The following CDH13 variants were observed in gnomAD, a reference collection of about 807,000 sequenced individuals.
CDH13 encodes cadherin 13.
In CDH13, 24 loss-of-function variants were observed where a neutral mutation model predicts 63.8. The ratio of observed to expected loss-of-function variants is 0.38; its 90% CI spans 0.27 to 0.53. CDH13 has a LOEUF of 0.53. CDH13 is among the 20% of genes least tolerant of loss of function. CDH13 has a pLI of 0.85. For missense variants in CDH13, 1,049 were observed against 903.1 expected, an observed-to-expected ratio of 1.16 and a Z score of -2.07; for synonymous variants, 503 against 355.3, an observed-to-expected ratio of 1.42 and a Z score of -4.67.
At chr16:82,936,077 T>C (rs1036101256) in intron 2 of CDH13, among the ~76,000 whole-genome samples, 1 of 152,092 alleles carries the variant, frequency 6.6e-6, no homozygotes, top group Admixed American at 6.5e-5. Context: ...TTCCAGTTGA[T>C]TGGCACCATC....
At chr16:83,395,697 G>A (rs2091874406) in intron 6 of CDH13, among the ~76,000 whole-genome samples, 3 of 152,150 alleles carry the variant, frequency 2.0e-5, no homozygotes, top group South Asian at 4.1e-4. Context: ...GGTCACCACA[G>A]GGTAGATATC....
At chr16:83,781,929 TAA>T (rs1378293373) in intron 12 of CDH13, among the ~76,000 whole-genome samples, 1 of 137,138 alleles carries the variant, frequency 7.3e-6, no homozygotes, top group Non-Finnish European at 1.6e-5. Flanking sequence ...GAACTTCAAT[TAA>T]AAAAAAAAAG....
chr16:83,310,762 C>G (rs1225046969), intron 5 of CDH13, among the ~76,000 whole-genome samples: 1 of 152,176 alleles, frequency 6.6e-6, no homozygotes, highest in Non-Finnish European at 1.5e-5. Context: ...AGCTAAAATT[C>G]CCTCCAGGAG....
rs116325950 is a variant in CDH13 at position 82,670,083 on chromosome 16, C to T, written c.45+42946C>T. ...GCTGCTTGTCTCAGAGTTTGAGATT[C>T]TGCCGGGGTTTCTTGAGTCACCGAG... On this transcript the variant is annotated intron_variant, in intron 1 of 13. Transcript: ENST00000567109. 9.1e-3 allele frequency among the ~76,000 whole-genome samples: 1,390 copies of T among 152,302 alleles called. 32 individuals carry two copies. Among genetic ancestry groups the T allele is most frequent in the African/African-American group, 0.031 (1,302 of 41,552 alleles).
At chr16:82,946,906 C>T (rs903795564) in intron 2 of CDH13, among the ~76,000 whole-genome samples, 3 of 151,742 alleles carry the variant, frequency 2.0e-5, no homozygotes, top group African/African-American at 7.3e-5. Flanking sequence ...ATTTAAAATG[C>T]ATATATATTT....
chr16:82,874,620 A>C (rs775189717), intron 2 of CDH13, among the ~76,000 whole-genome samples: 2 of 152,238 alleles, frequency 1.3e-5, no homozygotes, highest in Non-Finnish European at 1.5e-5. Flanking sequence ...TGTATACATT[A>C]AATTCCATAG....
chr16:82,766,107 C>G (rs953825515), intron 1 of CDH13, among the ~76,000 whole-genome samples: 2 of 152,190 alleles, frequency 1.3e-5, no homozygotes, highest in Admixed American at 6.5e-5. Context: ...TTCCTCACCA[C>G]CTCACTTCTG....
chr16:83,499,572 C>A (rs1047178828), intron 7 of CDH13, among the ~76,000 whole-genome samples: 26 of 152,202 alleles, frequency 1.7e-4, no homozygotes, highest in African/African-American at 6.3e-4. Context: ...CCTGAGAATT[C>A]CCTTATCATA....
rs147602311 is a variant in CDH13, at chr16:83,680,375, G to T, written c.1538+1914G>T. The stretch of plus-strand genomic sequence containing the variant: ...AGCACAGAGGGCCGCTGACTGAGAA[G>T]GAGGGATGAACATCCTGTCTGGCAA... On this transcript the variant is annotated intron_variant, in intron 10 of 13. Coordinates refer to ENST00000567109, the MANE Select transcript of CDH13 (RefSeq NM_001257.5). 6.2e-4 allele frequency among the ~76,000 whole-genome samples: 94 copies of T among 152,290 alleles called. 1 individual carries two copies. Among genetic ancestry groups the T allele is most frequent in the African/African-American group, 2.1e-3 (86 of 41,562 alleles).
In CDH13 at chr16:83,254,515, A is replaced by C. The variant is rs35840072; in HGVS notation, c.636+37018A>C. Among the ~76,000 whole-genome samples, 1,033 of 152,340 alleles carry C rather than the reference A, an allele frequency of 6.8e-3. 7 individuals are homozygous for C. The highest frequency in any genetic ancestry group is 0.013 in the Admixed American group (194 of 15,302). On this transcript the variant is annotated intron_variant, in intron 5 of 13. Transcript: ENST00000567109. ...GCAGGATCAAATGTGTGGTTCTACC[A>C]TAATGACTCTATGGACAGGATCCCC... is the stretch of plus-strand genomic sequence containing the variant.
chr16:83,338,194 A>AC (rs1455604800), intron 5 of CDH13, among the ~76,000 whole-genome samples: 2 of 151,404 alleles, frequency 1.3e-5, no homozygotes, highest in African/African-American at 4.9e-5. Flanking sequence ...TAAAAAAAAA[A>AC]AAAAAAAAAC....
At chr16:83,458,171 C>CT (rs1294629109) in intron 6 of CDH13, among the ~76,000 whole-genome samples, 2 of 152,206 alleles carry the variant, frequency 1.3e-5, no homozygotes, top group African/African-American at 4.8e-5. Flanking sequence ...GTGCCTGCTC[C>CT]TGCTGGATCC....
At chr16:82,686,255 C>T (rs1915059609) in intron 1 of CDH13, among the ~76,000 whole-genome samples, 1 of 152,180 alleles carries the variant, frequency 6.6e-6, no homozygotes. Context: ...CAGGACTTTC[C>T]TGTTGAAACT....
At chr16:82,969,939 C>T (rs1908453069) in intron 2 of CDH13, among the ~76,000 whole-genome samples, 1 of 146,412 alleles carries the variant, frequency 6.8e-6, no homozygotes, top group African/African-American at 2.5e-5. Context: ...TAGTATTTCT[C>T]TTTTTTTTTT....
chr16:82,810,217 C>T (rs2037373234), intron 1 of CDH13, among the ~76,000 whole-genome samples: 1 of 152,140 alleles, frequency 6.6e-6, no homozygotes, highest in Non-Finnish European at 1.5e-5. Context: ...GTATCCAGTT[C>T]AACAAAAGAA....
chr16:83,614,148 C>T (rs898658043), intron 8 of CDH13, among the ~76,000 whole-genome samples: 1 of 152,172 alleles, frequency 6.6e-6, no homozygotes, highest in Admixed American at 6.5e-5. Flanking sequence ...TTAGTAGAGG[C>T]TCTGGCTGAT....
chr16:83,574,236 G>C (rs1279983960), intron 7 of CDH13, among the ~76,000 whole-genome samples: 1 of 152,134 alleles, frequency 6.6e-6, no homozygotes, highest in Non-Finnish European at 1.5e-5. Context: ...TTTTGTCTCA[G>C]TGTACACCCC....
chr16:82,891,742 C>T (rs1417556191), intron 2 of CDH13, among the ~76,000 whole-genome samples: 2 of 152,136 alleles, frequency 1.3e-5, no homozygotes, highest in South Asian at 2.1e-4. Flanking sequence ...ACACATCACA[C>T]TTTGGGTTTC....
intron 1 of CDH13, among the ~76,000 whole-genome samples, chr16:82,633,291 C>G (rs929261030): frequency 2.0e-4 from 31 of 152,358 alleles, no homozygotes; most frequent in African/African-American, 7.5e-4. Flanking sequence ...ATAACTTACT[C>G]TACTTAGACT....
Sources: allele counts gnomAD v4.1 joint callset (sites outside exome capture counted in the v4.1 genomes callset), GRCh38; gene constraint gnomAD v4.1.1; transcripts MANE v1.5; gene names NCBI Gene and HGNC (gene_info 2026-07-23, HGNC 2026-07-21).